The following HTT-AS variants were observed in gnomAD, a reference collection of about 807,000 sequenced individuals.
The protein encoded by HTT-AS is HTT antisense RNA.
chr4:3,053,614 T>C (rs1711752082), intron 2 of HTT-AS, among the ~76,000 whole-genome samples: 1 of 152,172 alleles, frequency 6.6e-6, no homozygotes, highest in Non-Finnish European at 1.5e-5. Context: ...ATCAAATATT[T>C]TGAAAGAAAA....
At chr4:3,047,135 C>T (rs1230922754), downstream of HTT-AS, among the ~76,000 whole-genome samples, 1 of 152,102 alleles carries the variant, frequency 6.6e-6, no homozygotes, top group Non-Finnish European at 1.5e-5. Context: ...CACGGTGAAA[C>T]CCCGTCTCTA....
intron 1 of HTT-AS, among the ~76,000 whole-genome samples, chr4:3,067,104 T>G (rs1712071379): frequency 1.3e-5 from 2 of 152,130 alleles, no homozygotes; most frequent in African/African-American, 2.4e-5. Context: ...TTCCAGAACT[T>G]AATGGTAAAG....
chr4:3,051,816 A>G (rs992372700), intron 2 of HTT-AS, among the ~76,000 whole-genome samples: 1 of 152,168 alleles, frequency 6.6e-6, no homozygotes. Context: ...ACATGGGCTT[A>G]AAACCCCATA....
intron 1 of HTT-AS, among the ~76,000 whole-genome samples, chr4:3,067,109 G>A (rs1259165756): frequency 6.6e-6 from 1 of 152,196 alleles, no homozygotes; most frequent in Non-Finnish European, 1.5e-5. Context: ...GAACTTAATG[G>A]TAAAGCAAGG....
chr4:3,061,985 TTAAAAAAAAAAAA>T (rs1281137807), intron 2 of HTT-AS, among the ~76,000 whole-genome samples: 1 of 43,122 alleles, frequency 2.3e-5, no homozygotes, highest in Non-Finnish European at 4.5e-5. Flanking sequence ...CTATCTCAAA[TTAAAAAAAAAAAA>T]AAAAAAAAAA....
chr4:3,073,702 G>A (rs928296990), intron 1 of HTT-AS, among the ~76,000 whole-genome samples: 2 of 152,244 alleles, frequency 1.3e-5, no homozygotes, highest in African/African-American at 4.8e-5. Context: ...CGCCCTGCAG[G>A]GGCCTCTCCA....
exon 2 of HTT-AS, among the ~76,000 whole-genome samples, chr4:3,063,104 C>T (rs933371786): frequency 2.6e-5 from 4 of 152,146 alleles, no homozygotes; most frequent in Non-Finnish European, 5.9e-5. Context: ...TACACGATCC[C>T]TGTAAGGGTC....
chr4:3,050,216 C>T (rs1040974262), intron 2 of HTT-AS, among the ~76,000 whole-genome samples: 1 of 152,208 alleles, frequency 6.6e-6, no homozygotes, highest in Non-Finnish European at 1.5e-5. Flanking sequence ...CCAGTTGCTT[C>T]TCCAAATTAG....
At chr4:3,068,970 A>G (rs1436984715) in intron 1 of HTT-AS, among the ~76,000 whole-genome samples, 1 of 152,126 alleles carries the variant, frequency 6.6e-6, no homozygotes, top group Non-Finnish European at 1.5e-5. Flanking sequence ...GTGTGTTTAT[A>G]TGGAATTAAA....
chr4:3,070,581 C>T (rs981783103), intron 1 of HTT-AS, among the ~76,000 whole-genome samples: 9 of 152,128 alleles, frequency 5.9e-5, no homozygotes, highest in African/African-American at 2.2e-4. Flanking sequence ...TGAGCCACTG[C>T]GCCTTCATCT....
chr4:3,058,297 G>A (rs1006093851), intron 2 of HTT-AS, among the ~76,000 whole-genome samples: 1 of 151,512 alleles, frequency 6.6e-6, no homozygotes, highest in Non-Finnish European at 1.5e-5. Context: ...TTGCACTCCA[G>A]CCTGCACAAC....
chr4:3,051,782 T>C lies in HTT-AS; in HGVS notation n.1381-2084A>G, dbSNP rs1022829581. Among the ~76,000 whole-genome samples the C allele has an allele frequency of 2.7e-5, 4 of 149,982 alleles. 1 individual carries two copies. The highest frequency in any genetic ancestry group is 4.2e-4 in the South Asian group (2 of 4,806). On this transcript the variant is annotated intron_variant and non_coding_transcript_variant, in intron 2 of 2. Transcript: ENST00000664062. ...TGTGTCTTCCCGTGCTGTTCTGTGA[T>C]AAAAAGGGGCGCCTTAGGATAGAAC...
chr4:3,046,935 C>T (rs950838089), downstream of HTT-AS, among the ~76,000 whole-genome samples: 5 of 152,092 alleles, frequency 3.3e-5, no homozygotes, highest in African/African-American at 7.2e-5. Flanking sequence ...TGAGTGTGGG[C>T]GGCAAGCCAC....
chr4:3,068,255 G>A (rs1230500554), intron 1 of HTT-AS, among the ~76,000 whole-genome samples: 5 of 137,992 alleles, frequency 3.6e-5, no homozygotes, highest in African/African-American at 5.6e-5. Flanking sequence ...GCAGTGAGCC[G>A]AGATTGTGCC....
intron 2 of HTT-AS, among the ~76,000 whole-genome samples, chr4:3,051,835 C>T (rs919115665): frequency 6.7e-6 from 1 of 149,412 alleles, no homozygotes; most frequent in East Asian, 1.9e-4. Context: ...TAAGCTTGCT[C>T]GCCGCTCAAG....
At chr4:3,052,262 A>C (rs1711717576) in intron 2 of HTT-AS, among the ~76,000 whole-genome samples, 1 of 152,210 alleles carries the variant, frequency 6.6e-6, no homozygotes, top group Non-Finnish European at 1.5e-5. Flanking sequence ...CTGGGAGGTT[A>C]CTTTCAATAG....
chr4:3,054,298 T>A (rs1237065694), intron 2 of HTT-AS, among the ~76,000 whole-genome samples: 1 of 151,674 alleles, frequency 6.6e-6, no homozygotes, highest in African/African-American at 2.4e-5. Context: ...AAAAGAGGAG[T>A]GTTTAGGACA....
intron 1 of HTT-AS, among the ~76,000 whole-genome samples, chr4:3,064,106 T>TTC (rs1331710788): frequency 6.6e-6 from 1 of 150,776 alleles, no homozygotes; most frequent in Non-Finnish European, 1.5e-5. Context: ...GTTTTTTTTT[T>TTC]TTTTTTTGAG....
At chr4:3,066,680 A>C (rs1712063285) in intron 1 of HTT-AS, among the ~76,000 whole-genome samples, 1 of 152,130 alleles carries the variant, frequency 6.6e-6, no homozygotes, top group East Asian at 1.9e-4. Flanking sequence ...AGTTCCTCAA[A>C]ACTGGAACTT....
Sources: allele counts gnomAD v4.1 joint callset (sites outside exome capture counted in the v4.1 genomes callset), GRCh38; gene constraint gnomAD v4.1.1; transcripts MANE v1.5; gene names NCBI Gene and HGNC (gene_info 2026-07-23, HGNC 2026-07-21).